ANKS1B: variants seen among roughly 807,000 people sequenced by gnomAD.
ANKS1B encodes ankyrin repeat and sterile alpha motif domain containing 1B.
In ANKS1B, 36 loss-of-function variants were observed where a neutral mutation model predicts 148.3. That is an observed-to-expected ratio of 0.24 (90% CI 0.19 to 0.32). The LOEUF (loss-of-function observed/expected upper bound fraction) is 0.32. ANKS1B is among the 10% of genes least tolerant of loss of function. The pLI, the probability that ANKS1B is intolerant of heterozygous loss-of-function variation, is 1.00. For missense variants in ANKS1B, 1,157 were observed against 1,542.6 expected (o/e 0.75, Z 4.19); for synonymous variants, 542 against 560.8 (o/e 0.97, Z 0.47).
chr12:99,069,325 G>C lies in ANKS1B; in HGVS notation c.2625+15600C>G, dbSNP rs117360481. On this transcript the variant is annotated intron_variant, in intron 16 of 26. Coordinates refer to ENST00000683438, the MANE Select transcript of ANKS1B (RefSeq NM_001352186.2). ...CATGATAATGTAATTGAGTCCCAGAGGTGACAGGCAGGGAAATTGATCTCT... is the reference window on the plus strand; with the variant it reads ...CATGATAATGTAATTGAGTCCCAGACGTGACAGGCAGGGAAATTGATCTCT... Among the ~76,000 whole-genome samples the C allele has an allele frequency of 1.5e-3, 230 of 152,294 alleles. 3 individuals carry two copies. The East Asian group carries it at 0.03, about 20-fold the overall frequency.
rs200766333 is a variant in ANKS1B, at chr12:99,060,196, CAT to C, written c.2626-6889_2626-6888del. Among the ~76,000 whole-genome samples the C allele has an allele frequency of 5.9e-3, 845 of 142,756 alleles. 14 individuals carry two copies. The highest frequency in any genetic ancestry group is 0.02 in the African/African-American group (793 of 39,396). The allele number at this position is 142,756 out of a possible 152,430, so 93.7% of individuals were successfully genotyped here. A position where few individuals can be genotyped will look rare whatever the true frequency, so the allele number is the denominator to read the frequency against. On this transcript the variant is annotated intron_variant, in intron 16 of 26. Transcript: ENST00000683438. Reference sequence around the variant, plus strand: ...TCTTGGGAAAATTGAGATATATTAACATATTTTTTTTTTGCCAAATGCCTTCC... The same window carrying C: ...TCTTGGGAAAATTGAGATATATTAACATTTTTTTTTTGCCAAATGCCTTCC...
chr12:99,303,832 T>G (rs2081997562), intron 12 of ANKS1B, among the ~76,000 whole-genome samples: 2 of 152,132 alleles, frequency 1.3e-5, no homozygotes, highest in Admixed American at 6.6e-5. Flanking sequence ...TCTTATGCAT[T>G]TGCATCTTCA....
intron 17 of ANKS1B, among the ~76,000 whole-genome samples, chr12:99,022,771 C>G (rs986586378): frequency 3.9e-5 from 6 of 152,088 alleles, no homozygotes; most frequent in Non-Finnish European, 4.4e-5. Context: ...ATTGCAGCCT[C>G]AAACTCCTGG....
intron 25 of ANKS1B, among the ~76,000 whole-genome samples, chr12:98,771,510 G>A (rs2098571995): frequency 6.6e-6 from 1 of 151,982 alleles, no homozygotes; most frequent in Admixed American, 6.6e-5. Context: ...GTCTCACTCT[G>A]TCACCTGGGC....
chr12:99,388,068 T>C (rs2093941898), intron 12 of ANKS1B, among the ~76,000 whole-genome samples: 1 of 152,110 alleles, frequency 6.6e-6, no homozygotes, highest in Non-Finnish European at 1.5e-5. Context: ...ATAAAAGTTA[T>C]TAAGCAGGGA....
intron 17 of ANKS1B, among the ~76,000 whole-genome samples, chr12:98,849,761 G>A (rs2099511628): frequency 6.6e-6 from 1 of 152,142 alleles, no homozygotes; most frequent in Non-Finnish European, 1.5e-5. Context: ...TTTTAAAAGA[G>A]TAACCCTGCT....
rs182796284 is a variant in ANKS1B at position 99,460,783 on chromosome 12, T to C, written c.1439-16974A>G. Among the ~76,000 whole-genome samples the C allele has an allele frequency of 2.6e-5, 4 of 152,104 alleles. No individual in the cohort carries two copies. The East Asian group carries it at 7.7e-4, about 29-fold the overall frequency. On this transcript the variant is annotated intron_variant, in intron 10 of 26. Coordinates refer to ENST00000683438, the MANE Select transcript of ANKS1B (RefSeq NM_001352186.2). ...GGATGTGGTGAAAAGGGAACACTTT[T>C]ACATTGTTGATGGGAATGTAAACTA...
intron 17 of ANKS1B, chr12:98,894,913 G>A (rs1162829052): frequency 5.4e-6 from 5 of 933,568 alleles, no homozygotes; most frequent in African/African-American, 3.6e-5. Flanking sequence ...CGCCCCCCGC[G>A]CGGCGCGTGC....
chr12:99,121,136 G>T lies in ANKS1B; in HGVS notation c.2526+33153C>A, dbSNP rs576008597. On this transcript the variant is annotated intron_variant, in intron 15 of 26. Transcript: ENST00000683438. ...CATATGTATTGAGTCATAGTTAGAG[G>T]TTTTAATTTGGGGACTAGTAGGATT... 3.0e-4 allele frequency among the ~76,000 whole-genome samples: 46 copies of T among 152,000 alleles called. No individual in the cohort carries two copies. The East Asian group carries it at 8.5e-3, about 28-fold the overall frequency.
intron 8 of ANKS1B, among the ~76,000 whole-genome samples, chr12:99,688,375 T>G (rs1243910371): frequency 1.3e-5 from 2 of 152,252 alleles, no homozygotes; most frequent in Non-Finnish European, 2.9e-5. Flanking sequence ...CTCATTTGTT[T>G]CTCTTATCTC....
At chr12:98,781,505 C>A in intron 23 of ANKS1B, 2 of 497,770 alleles carry the variant, frequency 4.0e-6, no homozygotes, top group Non-Finnish European at 7.8e-6. Context: ...TTCCCTGACA[C>A]TAAAGGGTGA....
At chr12:98,894,823 C>G (rs2099760740) in intron 17 of ANKS1B, 1 of 982,920 alleles carries the variant, frequency 1.0e-6, no homozygotes, top group Non-Finnish European at 1.2e-6. Context: ...AGGCGCGGAG[C>G]TTGGCCGCGC....
intron 15 of ANKS1B, among the ~76,000 whole-genome samples, chr12:99,140,901 C>T (rs945600575): frequency 3.9e-5 from 6 of 152,150 alleles, no homozygotes; most frequent in African/African-American, 9.7e-5. Flanking sequence ...ATATCTTCTA[C>T]ATCCTTACAG....
intron 10 of ANKS1B, among the ~76,000 whole-genome samples, chr12:99,493,411 CT>C (rs1255870252): frequency 3.3e-5 from 5 of 151,548 alleles, no homozygotes; most frequent in African/African-American, 1.2e-4. Flanking sequence ...GGAAACAGGA[CT>C]TTAGGAAACT....
chr12:99,280,945 ACTCT>A (rs759244532), intron 12 of ANKS1B, among the ~76,000 whole-genome samples: 2,277 of 146,726 alleles, frequency 0.016, 23 homozygotes, highest in Non-Finnish European at 0.023. Flanking sequence ...ACACACACAC[ACTCT>A]CTCTCTCTCT....
At chr12:99,566,161 G>A (rs79561481) in intron 9 of ANKS1B, among the ~76,000 whole-genome samples, 8,716 of 152,164 alleles carry the variant, frequency 0.057, 353 homozygotes, top group East Asian at 0.23. Flanking sequence ...GAGAGGCTGC[G>A]AATTTTCAGT....
chr12:99,229,177 G>A (rs1864400782), intron 14 of ANKS1B, among the ~76,000 whole-genome samples: 1 of 151,534 alleles, frequency 6.6e-6, no homozygotes, highest in South Asian at 2.1e-4. Flanking sequence ...TTCAAAAATG[G>A]GCTAATATCT....
In ANKS1B at chr12:99,431,120, C is replaced by T. The variant is rs150119613; in HGVS notation, c.1575+12553G>A. On this transcript the variant is annotated intron_variant, in intron 11 of 26. Coordinates refer to ENST00000683438, the MANE Select transcript of ANKS1B (RefSeq NM_001352186.2). ...TGCTAAAATAATACTGTCTTAAAGG[C>T]GAAAATATAGGTCCTTCTAATTATT... is the stretch of plus-strand genomic sequence containing the variant. Among the ~76,000 whole-genome samples, 725 of 152,212 alleles carry T rather than the reference C, an allele frequency of 4.8e-3. 5 individuals are homozygous for T. The highest frequency in any genetic ancestry group is 5.0e-3 in the Non-Finnish European group (343 of 67,996).
At chr12:99,531,162 A>C (rs903768913) in intron 9 of ANKS1B, among the ~76,000 whole-genome samples, 5 of 152,236 alleles carry the variant, frequency 3.3e-5, no homozygotes, top group African/African-American at 1.2e-4. Flanking sequence ...GAACCTAAAA[A>C]CAACAGTAAT....
Sources: gnomAD v4.1 joint callset for allele counts (sites outside exome capture counted in the v4.1 genomes callset) on GRCh38, gnomAD v4.1.1 for gene constraint, MANE v1.5 for transcripts, NCBI Gene and HGNC (gene_info 2026-07-23, HGNC 2026-07-21) for gene names.